The following MED13L variants were observed in gnomAD, a reference collection of about 807,000 sequenced individuals.
MED13L encodes mediator of RNA polymerase II transcription subunit 13-like.
In MED13L, 7 loss-of-function variants were observed where a neutral mutation model predicts 220.9. The observed-to-expected ratio is 0.03, with a 90% confidence interval of 0.02 to 0.06. The LOEUF (loss-of-function observed/expected upper bound fraction) is 0.06, where lower values mean the gene tolerates loss of function less well. Among genes scored for constraint, MED13L ranks in the 10% least tolerant of loss-of-function variants. The pLI is 1.00. For synonymous variants in MED13L, 1,011 were observed against 1,015.2 expected (o/e 1.00, Z 0.08); for missense variants, 1,965 against 2,760.5 (o/e 0.71, Z 6.46).
At chr12:115,980,712 G>A in intron 23 of MED13L, 38 bp downstream of exon 23, 2 of 1,603,954 alleles carry the variant, frequency 1.2e-6, no homozygotes, top group Non-Finnish European at 1.7e-6. Context: ...TTGCATTTTA[G>A]TATAAATTTT....
rs1878778468 is a variant in MED13L at position 116,002,056 on chromosome 12, T to C, written c.2569+947A>G. ...TCTATTTTAATACTGTTTCTTTTAA[T>C]CTGTGAAGTTCCATGTTTGTGAAAT... is the stretch of plus-strand genomic sequence containing the variant. On this transcript the variant is annotated intron_variant, in intron 14 of 30. Transcript: ENST00000281928. 2.0e-5 allele frequency among the ~76,000 whole-genome samples: 3 copies of C among 152,362 alleles called. No individual in the cohort carries two copies. The South Asian group carries it at 6.2e-4, about 32-fold the overall frequency.
At chr12:116,065,201 C>T (rs991376435) in intron 4 of MED13L, among the ~76,000 whole-genome samples, 10 of 152,094 alleles carry the variant, frequency 6.6e-5, no homozygotes, top group Non-Finnish European at 1.3e-4. Flanking sequence ...CCACTATAAT[C>T]TTTTGGGACT....
At chr12:116,198,874 A>C (rs1406735199) in intron 2 of MED13L, among the ~76,000 whole-genome samples, 2 of 152,210 alleles carry the variant, frequency 1.3e-5, no homozygotes, top group Admixed American at 6.5e-5. Flanking sequence ...TTGGAAAAAG[A>C]TATAGATGCT....
chr12:116,253,761 T>G (rs1055198360), intron 1 of MED13L, among the ~76,000 whole-genome samples: 20 of 137,142 alleles, frequency 1.5e-4, no homozygotes, highest in South Asian at 7.5e-4. Flanking sequence ...TTGTTTTTTT[T>G]TTTTTTTTTT....
chr12:116,064,748 T>C (rs1159913585), intron 4 of MED13L, among the ~76,000 whole-genome samples: 1 of 152,184 alleles, frequency 6.6e-6, no homozygotes, highest in African/African-American at 2.4e-5. Flanking sequence ...CTTCTTCTCC[T>C]TACAGCTCTT....
At chr12:116,151,289 T>C (rs1304675853) in intron 2 of MED13L, among the ~76,000 whole-genome samples, 2 of 152,158 alleles carry the variant, frequency 1.3e-5, no homozygotes, top group Non-Finnish European at 2.9e-5. Context: ...TTGGTTGAGA[T>C]CAAAGACATC....
intron 4 of MED13L, among the ~76,000 whole-genome samples, chr12:116,028,647 C>G (rs1431657658): frequency 6.6e-6 from 1 of 152,180 alleles, no homozygotes; most frequent in African/African-American, 2.4e-5. Context: ...GTTCTACTAT[C>G]TCCCTAACTG....
chr12:115,994,447 C>T (rs1878269545), intron 16 of MED13L, among the ~76,000 whole-genome samples: 1 of 152,026 alleles, frequency 6.6e-6, no homozygotes, highest in African/African-American at 2.4e-5. Context: ...GAGACCCTGT[C>T]TCCAAAAAAC....
At chr12:116,062,680 G>GT (rs1381537782) in intron 4 of MED13L, among the ~76,000 whole-genome samples, 1 of 152,002 alleles carries the variant, frequency 6.6e-6, no homozygotes, top group African/African-American at 2.4e-5. Context: ...TAGAGACAGG[G>GT]TTTCCCCATA....
chr12:116,064,343 T>C (rs1054325836), intron 4 of MED13L, among the ~76,000 whole-genome samples: 1 of 152,186 alleles, frequency 6.6e-6, no homozygotes, highest in African/African-American at 2.4e-5. Flanking sequence ...AGTCTGTACA[T>C]ACTCAGACTT....
chr12:116,021,006 C>T (rs1880030667), intron 5 of MED13L, among the ~76,000 whole-genome samples: 1 of 152,098 alleles, frequency 6.6e-6, no homozygotes, highest in African/African-American at 2.4e-5. Flanking sequence ...AAAATACTGA[C>T]TCCAACTAAC....
At chr12:116,207,054 A>T (rs1882379160) in intron 2 of MED13L, among the ~76,000 whole-genome samples, 1 of 152,200 alleles carries the variant, frequency 6.6e-6, no homozygotes, top group African/African-American at 2.4e-5. Context: ...CTCTAGGTAT[A>T]CGAATACAGT....
chr12:116,032,352 A>G (rs767804301), intron 4 of MED13L, among the ~76,000 whole-genome samples: 2 of 152,212 alleles, frequency 1.3e-5, no homozygotes, highest in Non-Finnish European at 2.9e-5. Context: ...ATCACTATTT[A>G]TAATTAAACC....
At chr12:115,990,931 A>AT (rs1352267273) in intron 17 of MED13L, 89 bp downstream of exon 17, 1 of 1,421,340 alleles carries the variant, frequency 7.0e-7, no homozygotes, top group Non-Finnish European at 9.7e-7. Flanking sequence ...TGAAATTAAA[A>AT]TTTTTTGTCA....
At chr12:116,232,209 A>G in intron 2 of MED13L, 1 of 823,884 alleles carries the variant, frequency 1.2e-6, no homozygotes, top group Non-Finnish European at 1.5e-6. Flanking sequence ...ACAAAGGGTA[A>G]TAACTGCCAA....
intron 4 of MED13L, among the ~76,000 whole-genome samples, chr12:116,031,098 T>C (rs887927511): frequency 6.6e-6 from 1 of 152,184 alleles, no homozygotes; most frequent in African/African-American, 2.4e-5. Flanking sequence ...TTAAAACTCT[T>C]AGGGAACTCT....
At chr12:116,208,634 G>A (rs1478878900) in intron 2 of MED13L, among the ~76,000 whole-genome samples, 1 of 152,194 alleles carries the variant, frequency 6.6e-6, no homozygotes, top group Non-Finnish European at 1.5e-5. Context: ...ACTCACAGCA[G>A]AAAGAGGATA....
At chr12:116,021,581 A>G (rs1021866436) in intron 5 of MED13L, among the ~76,000 whole-genome samples, 1 of 152,188 alleles carries the variant, frequency 6.6e-6, no homozygotes, top group African/African-American at 2.4e-5. Context: ...AATAAATACA[A>G]TGGAGGCTAA....
chr12:115,964,310 T>G (rs1875985749), intron 29 of MED13L, among the ~76,000 whole-genome samples: 1 of 152,218 alleles, frequency 6.6e-6, no homozygotes, highest in Admixed American at 6.5e-5. Flanking sequence ...TGTCTTTTTA[T>G]AATTGGTTTA....
Sources: allele counts gnomAD v4.1 joint callset (sites outside exome capture counted in the v4.1 genomes callset), GRCh38; gene constraint gnomAD v4.1.1; transcripts MANE v1.5; gene names NCBI Gene and HGNC (gene_info 2026-07-23, HGNC 2026-07-21).